Variants in ATP10B observed in about 807,000 individuals in gnomAD.
ATP10B encodes ATPase phospholipid transporting 10B (putative), also known as phospholipid-transporting ATPase VB.
Under a neutral mutation model 141.2 loss-of-function variants are expected in ATP10B, and 122 were observed. That is an observed-to-expected ratio of 0.86 (90% CI 0.75 to 1.00). The LOEUF (loss-of-function observed/expected upper bound fraction) is 1.00. Ranked by LOEUF, ATP10B falls within the 50% of genes least tolerant of loss-of-function variation. The pLI, the probability that ATP10B is intolerant of heterozygous loss-of-function variation, is 0.00. For missense variants in ATP10B, 1,876 were observed against 1,825.3 expected (o/e 1.03, Z -0.51); for synonymous variants, 685 against 692.0 (o/e 0.99, Z 0.16).
intron 1 of ATP10B, among the ~76,000 whole-genome samples, chr5:160,834,024 G>C (rs1035992025): frequency 1.3e-5 from 2 of 151,978 alleles, no homozygotes; most frequent in African/African-American, 4.8e-5. Flanking sequence ...ACTCCTGGTT[G>C]TTAAAATCAT....
At chr5:160,870,187 T>A in the ATP10B span, among the ~76,000 whole-genome samples, 1 of 152,140 alleles carries the variant, frequency 6.6e-6, no homozygotes, top group Non-Finnish European at 1.5e-5. Context: ...GAAAGTAACC[T>A]GAGAAGCACT....
At chr5:160,682,766 G>T (rs1208676529) in intron 6 of ATP10B, among the ~76,000 whole-genome samples, 1 of 152,070 alleles carries the variant, frequency 6.6e-6, no homozygotes, top group African/African-American at 2.4e-5. Context: ...TCGGCCGGGC[G>T]CGGTGGCTCA....
At chr5:160,799,228 C>T (rs1772184006) in intron 1 of ATP10B, among the ~76,000 whole-genome samples, 1 of 152,132 alleles carries the variant, frequency 6.6e-6, no homozygotes, top group South Asian at 2.1e-4. Flanking sequence ...ATGTCTGTGC[C>T]ATTTGCAGTG....
At chr5:160,863,594 A>G in the ATP10B span, among the ~76,000 whole-genome samples, 1 of 152,008 alleles carries the variant, frequency 6.6e-6, no homozygotes, top group Admixed American at 6.6e-5. Flanking sequence ...CAGCAGAAGA[A>G]AAGAACAAAG....
At chr5:160,782,438 TACACACACACACACACACACACACAC>T (rs57112303) in intron 2 of ATP10B, among the ~76,000 whole-genome samples, 3 of 141,078 alleles carry the variant, frequency 2.1e-5, no homozygotes, top group African/African-American at 8.0e-5. Context: ...TCTTCCTCCA[TACACACACACACACACACACACACAC>T]ACACACACAC....
rs940143037 is a variant in ATP10B at position 160,791,155 on chromosome 5, C to T, written c.-575-5352G>A. 3.3e-5 allele frequency among the ~76,000 whole-genome samples: 5 copies of T among 152,242 alleles called. No homozygotes were observed. In the South Asian group the frequency reaches 8.3e-4, roughly 25 times the overall value. On this transcript the variant is annotated intron_variant, in intron 1 of 25. Coordinates refer to ENST00000327245, the MANE Select transcript of ATP10B (RefSeq NM_025153.3). ...TAAGTAAGAAAGAATATAAATTTTC[C>T]CCTAGCACCTCTAGAAGGGAGCACA...
At chr5:160,641,873 C>CA (rs1179658872) in intron 9 of ATP10B, among the ~76,000 whole-genome samples, 3 of 152,086 alleles carry the variant, frequency 2.0e-5, no homozygotes, top group Admixed American at 6.5e-5. Context: ...ACAGTAGGAG[C>CA]AAAAAAACTC....
intron 11 of ATP10B, 51 bp downstream of exon 11, chr5:160,636,131 G>A: frequency 6.5e-7 from 1 of 1,537,650 alleles, no homozygotes; most frequent in Non-Finnish European, 8.7e-7. Context: ...AAAGTTGTAG[G>A]AGTTTTGGCC....
the ATP10B span, among the ~76,000 whole-genome samples, chr5:160,888,420 C>T: frequency 6.6e-6 from 1 of 152,224 alleles, no homozygotes; most frequent in Non-Finnish European, 1.5e-5. Context: ...CTTTATTAAG[C>T]AGCTATCAGA....
the ATP10B span, among the ~76,000 whole-genome samples, chr5:160,894,135 C>T: frequency 6.6e-6 from 1 of 152,074 alleles, no homozygotes; most frequent in African/African-American, 2.4e-5. Flanking sequence ...GAACGCGCCT[C>T]TTCTCCTCCA....
rs148719687 is a variant in ATP10B at position 160,586,002 on chromosome 5, A to T, written c.3750+3590T>A. Among the ~76,000 whole-genome samples the T allele has an allele frequency of 3.3e-3, 509 of 152,328 alleles. 1 individual carries two copies. The highest frequency in any genetic ancestry group is 9.6e-3 in the East Asian group (50 of 5,186). On this transcript the variant is annotated intron_variant, in intron 24 of 25. Transcript: ENST00000327245. ...TTACTTTAAGTTCCGGGATACATGT[A>T]CAGAACGTGCAAGTTTGTTACATAG...
intron 2 of ATP10B, among the ~76,000 whole-genome samples, chr5:160,736,188 G>T (rs1767101973): frequency 6.6e-6 from 1 of 152,032 alleles, no homozygotes; most frequent in Non-Finnish European, 1.5e-5. Context: ...CAAAAAGTTG[G>T]TTTTTTGAAA....
intron 8 of ATP10B, among the ~76,000 whole-genome samples, chr5:160,645,036 G>C (rs1010044261): frequency 1.3e-5 from 2 of 150,714 alleles, no homozygotes; most frequent in Non-Finnish European, 2.9e-5. Context: ...AGAATCGCTT[G>C]AACCCGGGAG....
intron 1 of ATP10B, among the ~76,000 whole-genome samples, chr5:160,823,663 T>G (rs1774345742): frequency 6.6e-6 from 1 of 152,158 alleles, no homozygotes; most frequent in African/African-American, 2.4e-5. Context: ...GAGACCATCC[T>G]GGCTACTAAA....
the ATP10B span, among the ~76,000 whole-genome samples, chr5:160,858,733 A>G: frequency 6.6e-6 from 1 of 151,846 alleles, no homozygotes; most frequent in Admixed American, 6.6e-5. Context: ...ATTTTTGAGT[A>G]TATCTCTTTG....
chr5:160,660,867 C>A (rs1393944462), intron 7 of ATP10B, among the ~76,000 whole-genome samples: 1 of 152,156 alleles, frequency 6.6e-6, no homozygotes, highest in African/African-American at 2.4e-5. Context: ...AATGGTTCCA[C>A]AGGAAGACAA....
intron 10 of ATP10B, among the ~76,000 whole-genome samples, 194 bp from the exon 11 acceptor site, chr5:160,636,503 C>T (rs1179758616): frequency 2.6e-5 from 4 of 152,026 alleles, no homozygotes; most frequent in East Asian, 3.9e-4. Context: ...AGTGGTTCTT[C>T]GTATACATTT....
intron 1 of ATP10B, among the ~76,000 whole-genome samples, chr5:160,851,373 T>A (rs1281034983): frequency 6.6e-6 from 1 of 152,108 alleles, no homozygotes; most frequent in African/African-American, 2.4e-5. Flanking sequence ...GGGGCTTTTT[T>A]ATTTTTTTTC....
rs533943665 is a variant in ATP10B at position 160,571,007 on chromosome 5, C to T, written c.3751-1324G>A. Reference sequence around the variant, plus strand: ...TCTTAAAGCCTGCTTGCTTTTATAACTTTTTTTTGTCTTTTTGATCTATAG... The same window carrying T: ...TCTTAAAGCCTGCTTGCTTTTATAATTTTTTTTTGTCTTTTTGATCTATAG... On this transcript the variant is annotated intron_variant, in intron 24 of 25. Coordinates refer to ENST00000327245, the MANE Select transcript of ATP10B (RefSeq NM_025153.3). Among the ~76,000 whole-genome samples the T allele has an allele frequency of 7.4e-4, 112 of 152,030 alleles. 1 individual carries two copies. Among genetic ancestry groups the T allele is most frequent in the African/African-American group, 2.7e-3 (110 of 41,488 alleles).
Sources: gnomAD v4.1 joint callset for allele counts (sites outside exome capture counted in the v4.1 genomes callset) on GRCh38, gnomAD v4.1.1 for gene constraint, MANE v1.5 for transcripts, NCBI Gene and HGNC (gene_info 2026-07-23, HGNC 2026-07-21) for gene names.